The following GRIP1 variants were observed in gnomAD, a reference collection of about 807,000 sequenced individuals.
GRIP1 encodes glutamate receptor-interacting protein 1.
GRIP1 carries 45 observed loss-of-function variants against 129.9 expected under a neutral mutation model. That is an observed-to-expected ratio of 0.35 (90% CI 0.27 to 0.44). The LOEUF is 0.44. Ranked by LOEUF, GRIP1 falls within the 20% of genes least tolerant of loss-of-function variation. The pLI is 1.00. For synonymous variants in GRIP1, 530 were observed against 520.8 expected, an observed-to-expected ratio of 1.02 and a Z score of -0.24; for missense variants, 1,196 against 1,396.8, an observed-to-expected ratio of 0.86 and a Z score of 2.29.
chr12:66,929,267 T>C (rs1393877703), intron 1 of GRIP1, among the ~76,000 whole-genome samples: 3 of 152,204 alleles, frequency 2.0e-5, no homozygotes, highest in Non-Finnish European at 4.4e-5. Context: ...GGTTTCATCC[T>C]ATCACTCATG....
intron 1 of GRIP1, among the ~76,000 whole-genome samples, chr12:66,851,837 TA>T (rs1396130827): frequency 6.6e-6 from 1 of 152,134 alleles, no homozygotes; most frequent in African/African-American, 2.4e-5. Context: ...AGCAAAGTGT[TA>T]AAAAGGCTGA....
At chr12:66,774,740 T>C (rs2037925584) in intron 1 of GRIP1, among the ~76,000 whole-genome samples, 1 of 152,224 alleles carries the variant, frequency 6.6e-6, no homozygotes, top group Non-Finnish European at 1.5e-5. Flanking sequence ...ACTTGTACTA[T>C]TGCAGCCTCA....
chr12:66,610,476 C>G (rs1038571091), intron 1 of GRIP1, among the ~76,000 whole-genome samples: 1 of 152,106 alleles, frequency 6.6e-6, no homozygotes, highest in Non-Finnish European at 1.5e-5. Flanking sequence ...TCAGTGACTT[C>G]TTATGGAGCC....
At chr12:66,881,838 C>T (rs2040484251) in intron 1 of GRIP1, among the ~76,000 whole-genome samples, 1 of 152,190 alleles carries the variant, frequency 6.6e-6, no homozygotes, top group Admixed American at 6.5e-5. Flanking sequence ...AATGGCCAGA[C>T]TGCATTTTCT....
intron 1 of GRIP1, among the ~76,000 whole-genome samples, chr12:66,704,068 G>A (rs1332931664): frequency 6.6e-6 from 1 of 151,992 alleles, no homozygotes; most frequent in Non-Finnish European, 1.5e-5. Flanking sequence ...AAAGAATATA[G>A]TAGATGACAA....
chr12:66,402,910 G>A (rs1185569900), intron 16 of GRIP1, among the ~76,000 whole-genome samples: 1 of 152,180 alleles, frequency 6.6e-6, no homozygotes, highest in African/African-American at 2.4e-5. Flanking sequence ...CAGAGAAAGG[G>A]ATTTCAGGAG....
intron 24 of GRIP1, among the ~76,000 whole-genome samples, chr12:66,350,168 G>A (rs2054157746): frequency 6.6e-6 from 1 of 151,860 alleles, no homozygotes; most frequent in Non-Finnish European, 1.5e-5. Flanking sequence ...CTCGCTTTCA[G>A]TCCTTTCCTG....
At chr12:66,482,120 T>C (rs1171752417) in intron 7 of GRIP1, among the ~76,000 whole-genome samples, 1 of 152,134 alleles carries the variant, frequency 6.6e-6, no homozygotes, top group African/African-American at 2.4e-5. Flanking sequence ...TATTGAGTTA[T>C]CTAATATGAT....
intron 1 of GRIP1, among the ~76,000 whole-genome samples, chr12:67,019,489 T>A (rs2135739001): frequency 6.6e-6 from 1 of 152,314 alleles, no homozygotes; most frequent in East Asian, 1.9e-4. Context: ...TGAAAAATAG[T>A]CACTGAAAAG....
At chr12:66,737,340 G>A (rs932720865) in intron 1 of GRIP1, among the ~76,000 whole-genome samples, 4 of 152,228 alleles carry the variant, frequency 2.6e-5, no homozygotes, top group African/African-American at 9.6e-5. Context: ...CTGGAGTGCA[G>A]TGGCGCGATC....
rs75135089 is a variant in GRIP1 at position 66,941,780 on chromosome 12, C to G, written c.58+127270G>C. Among the ~76,000 whole-genome samples, 732 of 152,264 alleles carry G rather than the reference C, an allele frequency of 4.8e-3. 2 individuals carry two copies. The highest frequency in any genetic ancestry group is 0.017 in the African/African-American group (692 of 41,548). On this transcript the variant is annotated intron_variant, in intron 1 of 1. Transcript: ENST00000643019. ...TGTACAATTAAATGGCAGCCAGTAA[C>G]GTAATCATGATCCTCCTGAATTATT...
chr12:66,470,295 T>C (rs2059401495), intron 7 of GRIP1, among the ~76,000 whole-genome samples: 1 of 152,204 alleles, frequency 6.6e-6, no homozygotes, highest in African/African-American at 2.4e-5. Flanking sequence ...TCTTCCACCA[T>C]TCTGCCCTGC....
At chr12:66,545,597 G>A (rs533928380) in intron 2 of GRIP1, among the ~76,000 whole-genome samples, 135 of 152,246 alleles carry the variant, frequency 8.9e-4, no homozygotes, top group Non-Finnish European at 1.5e-3. Flanking sequence ...TATAAGATTA[G>A]AATAAATGAA....
At chr12:66,878,709 A>G (rs942007213) in intron 1 of GRIP1, among the ~76,000 whole-genome samples, 1 of 152,130 alleles carries the variant, frequency 6.6e-6, no homozygotes, top group Non-Finnish European at 1.5e-5. Context: ...CCCTGACCTC[A>G]TGGAGCTTAC....
At chr12:66,554,574 A>G (rs1259289577) in intron 2 of GRIP1, among the ~76,000 whole-genome samples, 1 of 152,120 alleles carries the variant, frequency 6.6e-6, no homozygotes, top group Non-Finnish European at 1.5e-5. Flanking sequence ...AGGGGAGTAG[A>G]GCACGAAGTG....
chr12:66,375,086 T>C (rs888504467), intron 22 of GRIP1, among the ~76,000 whole-genome samples: 1 of 152,116 alleles, frequency 6.6e-6, no homozygotes, highest in Non-Finnish European at 1.5e-5. Flanking sequence ...CAAAAAATAG[T>C]TAAAGCAGTG....
chr12:66,673,680 G>A (rs1349913490), intron 1 of GRIP1, among the ~76,000 whole-genome samples: 1 of 152,164 alleles, frequency 6.6e-6, no homozygotes, highest in Non-Finnish European at 1.5e-5. Flanking sequence ...ACTGTTCAAT[G>A]TAAACTCCCT....
Position 66,602,386 on chromosome 12 carries a change from C to T in GRIP1, c.56-5459G>A, listed in dbSNP as rs909711042. On this transcript the variant is annotated intron_variant, in intron 1 of 24. Transcript: ENST00000359742. ...CTAAAATGATGTGTAACTACAATCA[C>T]GGGGGCCCCGCATAATTTAAAGAAA... Among the ~76,000 whole-genome samples, 6 of 151,694 alleles carry T rather than the reference C, an allele frequency of 4.0e-5. No individual in the cohort carries two copies. In the South Asian group the frequency reaches 8.3e-4, roughly 21 times the overall value.
chr12:66,744,529 C>T (rs1592800605), intron 1 of GRIP1, among the ~76,000 whole-genome samples: 1 of 152,252 alleles, frequency 6.6e-6, no homozygotes, highest in East Asian at 1.9e-4. Flanking sequence ...TGCATTCTGA[C>T]CGCCAAGATT....
Sources: gnomAD v4.1 joint callset for allele counts (sites outside exome capture counted in the v4.1 genomes callset) on GRCh38, gnomAD v4.1.1 for gene constraint, MANE v1.5 for transcripts, NCBI Gene and HGNC (gene_info 2026-07-23, HGNC 2026-07-21) for gene names.